Variants in LRRTM4 observed in about 807,000 individuals in gnomAD.
LRRTM4 encodes leucine rich repeat transmembrane neuronal 4.
Under a neutral mutation model 47.6 loss-of-function variants are expected in LRRTM4, and 25 were observed. The observed-to-expected ratio is 0.53, with a 90% CI of 0.38 to 0.73. The LOEUF (loss-of-function observed/expected upper bound fraction) is 0.73, where lower values mean the gene tolerates loss of function less well. Ranked by LOEUF, LRRTM4 falls within the 30% of genes least tolerant of loss-of-function variation. The pLI, the probability that LRRTM4 is intolerant of heterozygous loss-of-function variation, is 0.00. For missense variants in LRRTM4, 638 were observed against 713.4 expected (o/e 0.89, Z 1.20); for synonymous variants, 311 against 269.5 (o/e 1.15, Z -1.51).
At chr2:76,927,432 T>A (rs1036817370) in intron 3 of LRRTM4, among the ~76,000 whole-genome samples, 9 of 152,098 alleles carry the variant, frequency 5.9e-5, no homozygotes, top group African/African-American at 2.2e-4. Flanking sequence ...TTCTTACAGG[T>A]CAAGTGTGAG....
At chr2:76,979,141 T>A (rs1676512688) in intron 3 of LRRTM4, among the ~76,000 whole-genome samples, 1 of 152,016 alleles carries the variant, frequency 6.6e-6, no homozygotes, top group African/African-American at 2.4e-5. Flanking sequence ...ATATAAAGAT[T>A]CTAGCATTAT....
intron 3 of LRRTM4, among the ~76,000 whole-genome samples, chr2:77,132,329 T>C (rs1043937235): frequency 2.6e-5 from 4 of 152,318 alleles, no homozygotes; most frequent in African/African-American, 9.6e-5. Flanking sequence ...AATTTTATTC[T>C]TTTTTATGAT....
chr2:76,831,893 G>T (rs1671363173), intron 3 of LRRTM4, among the ~76,000 whole-genome samples: 1 of 152,116 alleles, frequency 6.6e-6, no homozygotes, highest in Non-Finnish European at 1.5e-5. Context: ...TTTGTGTTCT[G>T]CATACCCACA....
At chr2:77,133,638 T>A (rs1671858748) in intron 3 of LRRTM4, among the ~76,000 whole-genome samples, 2 of 152,190 alleles carry the variant, frequency 1.3e-5, no homozygotes, top group Admixed American at 6.5e-5. Flanking sequence ...TGTAGTTGTG[T>A]CATACTAAAT....
chr2:77,175,982 T>A (rs1024810225), intron 3 of LRRTM4, among the ~76,000 whole-genome samples: 4 of 151,494 alleles, frequency 2.6e-5, no homozygotes, highest in African/African-American at 7.3e-5. Context: ...TTTTTTTTTT[T>A]AATTTTGCAC....
chr2:77,507,381 A>G (rs1001076747), intron 3 of LRRTM4, among the ~76,000 whole-genome samples: 1 of 152,102 alleles, frequency 6.6e-6, no homozygotes, highest in African/African-American at 2.4e-5. Flanking sequence ...TTCCTTGTCA[A>G]TCTTCATGTT....
chr2:77,324,862 T>G (rs1404883232), intron 3 of LRRTM4, among the ~76,000 whole-genome samples: 1 of 152,148 alleles, frequency 6.6e-6, no homozygotes, highest in Admixed American at 6.6e-5. Context: ...TTTATTAGTC[T>G]TGAAGAGTAA....
intron 3 of LRRTM4, among the ~76,000 whole-genome samples, chr2:77,495,478 G>A (rs1678326661): frequency 6.6e-6 from 1 of 151,914 alleles, no homozygotes; most frequent in African/African-American, 2.4e-5. Context: ...CTAACGTAAG[G>A]TCACCATTAA....
intron 3 of LRRTM4, among the ~76,000 whole-genome samples, chr2:76,848,912 G>A (rs1442630429): frequency 1.3e-5 from 2 of 152,004 alleles, no homozygotes; most frequent in African/African-American, 4.8e-5. Flanking sequence ...TCTCATTGAT[G>A]GGCATAAGCT....
rs998390505 is a variant in LRRTM4 at position 77,188,711 on chromosome 2, A to G, written c.1551+329607T>C. Among the ~76,000 whole-genome samples the G allele has an allele frequency of 1.3e-5, 2 of 152,138 alleles. 1 individual carries two copies. Among genetic ancestry groups the G allele is most frequent in the Admixed American group, 1.3e-4 (2 of 15,258 alleles). On this transcript the variant is annotated intron_variant, in intron 3 of 3. Coordinates refer to ENST00000409884, the MANE Select transcript of LRRTM4 (RefSeq NM_001134745.3). Reference sequence around the variant, plus strand: ...AATGTGTGTGCTTAATTCTCTCTGCACATTCAGCCATCTTTTCAATAGAAT... The same window carrying G: ...AATGTGTGTGCTTAATTCTCTCTGCGCATTCAGCCATCTTTTCAATAGAAT...
chr2:77,452,073 C>A (rs1436483417), intron 3 of LRRTM4, among the ~76,000 whole-genome samples: 1 of 151,780 alleles, frequency 6.6e-6, no homozygotes, highest in Non-Finnish European at 1.5e-5. Flanking sequence ...TTATAGACCA[C>A]TGAGAGGAGT....
In LRRTM4 at chr2:77,373,086, A is replaced by ATATATAT. The variant is rs1553435858; in HGVS notation, c.1551+145231_1551+145232insATATATA. Reference sequence around the variant, plus strand: ...CAAAAGCAAACCAACAATTAAAAAAAAAATATATATATATATATATATACG... The same window carrying ATATATAT: ...CAAAAGCAAACCAACAATTAAAAAAATATATATAAATATATATATATATATATATACG... On this transcript the variant is annotated intron_variant, in intron 3 of 3. Coordinates refer to ENST00000409884, the MANE Select transcript of LRRTM4 (RefSeq NM_001134745.3). Among the ~76,000 whole-genome samples, 584 of 130,048 alleles carry ATATATAT rather than the reference A, an allele frequency of 4.5e-3. 1 individual carries two copies. The highest frequency in any genetic ancestry group is 0.017 in the East Asian group (76 of 4,374). The allele number at this position is 130,048 out of a possible 152,430, so 85.3% of individuals were successfully genotyped here.
chr2:77,472,664 A>G (rs1677235335), intron 3 of LRRTM4, among the ~76,000 whole-genome samples: 1 of 152,144 alleles, frequency 6.6e-6, no homozygotes, highest in East Asian at 1.9e-4. Flanking sequence ...TCAATGTTGT[A>G]GGGGCTACTG....
Position 76,977,219 on chromosome 2 carries a change from T to A in LRRTM4, c.1552-228303A>T, listed in dbSNP as rs1676452530. Among the ~76,000 whole-genome samples the A allele has an allele frequency of 1.3e-5, 2 of 151,656 alleles. 1 individual carries two copies. The highest frequency in any genetic ancestry group is 4.2e-4 in the South Asian group (2 of 4,816). On this transcript the variant is annotated intron_variant, in intron 3 of 3. Coordinates refer to ENST00000409884, the MANE Select transcript of LRRTM4 (RefSeq NM_001134745.3). ...CTTAATGACATCAGCAACCATCCTTTTTTACAAGACACCTGGATATTATAC... is the reference window on the plus strand; with the variant it reads ...CTTAATGACATCAGCAACCATCCTTATTTACAAGACACCTGGATATTATAC...
chr2:77,133,723 G>A (rs550966680), intron 3 of LRRTM4, among the ~76,000 whole-genome samples: 1 of 152,232 alleles, frequency 6.6e-6, no homozygotes, highest in African/African-American at 2.4e-5. Context: ...AGAGTTTCAT[G>A]AAAAAAGTAG....
intron 3 of LRRTM4, among the ~76,000 whole-genome samples, chr2:77,008,286 G>A (rs1321609209): frequency 6.6e-6 from 1 of 152,134 alleles, no homozygotes; most frequent in Admixed American, 6.6e-5. Flanking sequence ...TTAAGTGAAA[G>A]CTGATATGTA....
chr2:76,954,194 C>G (rs1280657411), intron 3 of LRRTM4, among the ~76,000 whole-genome samples: 1 of 151,498 alleles, frequency 6.6e-6, no homozygotes. Context: ...GAAATAAGGC[C>G]TAATCAAAGA....
intron 3 of LRRTM4, among the ~76,000 whole-genome samples, chr2:77,476,806 G>C (rs1372472258): frequency 6.6e-6 from 1 of 151,894 alleles, no homozygotes; most frequent in African/African-American, 2.4e-5. Context: ...TATTAGACTG[G>C]AAAAAAATAA....
intron 3 of LRRTM4, among the ~76,000 whole-genome samples, chr2:76,873,990 T>C (rs541909365): frequency 2.0e-5 from 3 of 152,002 alleles, no homozygotes; most frequent in Admixed American, 1.3e-4. Context: ...TTAATAAAAA[T>C]TTTTGGAGTC....
Sources: gnomAD v4.1 joint callset for allele counts (sites outside exome capture counted in the v4.1 genomes callset) on GRCh38, gnomAD v4.1.1 for gene constraint, MANE v1.5 for transcripts, NCBI Gene and HGNC (gene_info 2026-07-23, HGNC 2026-07-21) for gene names.